The following PCDHGB3 variants were observed in gnomAD, a reference collection of about 807,000 sequenced individuals.
PCDHGB3 encodes protocadherin gamma subfamily B, 3.
Under a neutral mutation model 59.2 loss-of-function variants are expected in PCDHGB3, and 40 were observed. The observed-to-expected ratio is 0.68, with a 90% CI of 0.52 to 0.88. The LOEUF (loss-of-function observed/expected upper bound fraction) is 0.88, where lower values mean the gene tolerates loss of function less well. PCDHGB3 is among the 40% of genes least tolerant of loss of function. PCDHGB3 has a pLI of 0.00. For synonymous variants in PCDHGB3, 581 were observed against 503.6 expected (o/e 1.15, Z -2.06); for missense variants, 1,309 against 1,187.9 (o/e 1.10, Z -1.50).
In PCDHGB3 at chr5:141,371,932, TG is replaced by T. The variant is rs1268806943; in HGVS notation, c.1540del (p.Val514CysfsTer33). The T allele has an allele frequency of 6.2e-7, 1 of 1,612,998 alleles. No individual in the cohort carries two copies. Among genetic ancestry groups the T allele is most frequent in the South Asian group, 1.1e-5 (1 of 91,058 alleles). ...GTGTCCGTGAGCGCGCGGAGCGGGGTGGTGTTCGCGCAGCGAGCCTTCGACC... is the reference window on the plus strand; with the variant it reads ...GTGTCCGTGAGCGCGCGGAGCGGGGTGTGTTCGCGCAGCGAGCCTTCGACC... Reference protein sequence around the residue: ...SYVSVSARSGVVFAQRAFDHE... With the variant: ...SYVSVSARSGXVFAQRAFDHE... On this transcript the variant is annotated frameshift_variant, in exon 1 of 4. Coordinates refer to ENST00000576222, the MANE Select transcript of PCDHGB3 (RefSeq NM_018924.5). LOFTEE classifies it high-confidence loss of function.
chr5:141,382,838 A>G, intron 1 of PCDHGB3: 2 of 1,445,878 alleles, frequency 1.4e-6, no homozygotes, highest in Non-Finnish European at 1.9e-6. Context: ...GTCCACCCGG[A>G]TACACCCGCA....
chr5:141,441,627 G>C (rs1239011684), intron 1 of PCDHGB3: 1 of 223,512 alleles, frequency 4.5e-6, no homozygotes, highest in Non-Finnish European at 9.0e-6. Context: ...CAGTGACCTG[G>C]AGCCACAGGC....
chr5:141,432,178 T>C lies in PCDHGB3; in HGVS notation c.2415+59369T>C. Reference sequence around the variant, plus strand: ...ATCCCAGAGGAGTTTCCCTCGTCTCTGTGACCGCCCACGACCCCGACTGTG... The same window carrying C: ...ATCCCAGAGGAGTTTCCCTCGTCTCCGTGACCGCCCACGACCCCGACTGTG... On this transcript the variant is annotated intron_variant, in intron 1 of 3. Transcript: ENST00000576222. The surrounding 1 kb of genome is among the most constrained non-coding windows in gnomAD (Gnocchi z 6.0). 6.2e-7 allele frequency: 1 copy of C among 1,614,184 alleles called. No individual in the cohort carries two copies. The highest frequency in any genetic ancestry group is 8.5e-7 in the Non-Finnish European group (1 of 1,180,036).
At chr5:141,395,727 T>G (rs895493332) in intron 1 of PCDHGB3, 1 of 153,998 alleles carries the variant, frequency 6.5e-6, no homozygotes, top group Non-Finnish European at 1.4e-5. Flanking sequence ...TGTAGATTTC[T>G]TCACTTTAAA....
chr5:141,501,706 T>TA (rs2099810629), intron 2 of PCDHGB3, among the ~76,000 whole-genome samples: 1 of 152,094 alleles, frequency 6.6e-6, no homozygotes, highest in South Asian at 2.1e-4. Flanking sequence ...ATTCCGAGGA[T>TA]AAAAAAGACA....
intron 1 of PCDHGB3, chr5:141,407,918 C>T (rs890872713): frequency 1.1e-5 from 5 of 472,514 alleles, no homozygotes. Context: ...GGGCTGCTGT[C>T]CCGCACGGAG....
At position 141,413,154 on chromosome 5, in the gene PCDHGB3, A is replaced by C. The variant is rs1308503780; in HGVS notation, c.2415+40345A>C. 10 of 1,576,026 alleles carry C rather than the reference A, an allele frequency of 6.3e-6. No homozygotes were observed. In the South Asian group the frequency reaches 1.2e-4, roughly 18 times the overall value. ...ACAACGTGTCCAGTGAGGACTTTGC[A>C]GAATTCTGTAACCAGACTACAATGG... On this transcript the variant is annotated intron_variant, in intron 1 of 3. Coordinates refer to ENST00000576222, the MANE Select transcript of PCDHGB3 (RefSeq NM_018924.5).
intron 1 of PCDHGB3, chr5:141,415,006 C>A (rs1353721901): frequency 6.2e-7 from 1 of 1,613,652 alleles, no homozygotes; most frequent in Non-Finnish European, 8.5e-7. Context: ...GCTGTCCTAC[C>A]GTCTGCTCAA....
chr5:141,476,417 C>A lies in PCDHGB3; in HGVS notation c.2416-18390C>A. ...GGATCGAGAGGAGCTGTGTGGGACA[C>A]TGCCCTCTTGCACTGTAACTCTGGA... is the stretch of plus-strand genomic sequence containing the variant. On this transcript the variant is annotated intron_variant, in intron 1 of 3. Coordinates refer to ENST00000576222, the MANE Select transcript of PCDHGB3 (RefSeq NM_018924.5). This position sits in a 1 kb window ranked among gnomAD's most constrained non-coding sequence, Gnocchi z 7.6. The A allele has an allele frequency of 6.2e-7, 1 of 1,614,112 alleles. No homozygotes were observed. The highest frequency in any genetic ancestry group is 8.5e-7 in the Non-Finnish European group (1 of 1,179,994).
intron 1 of PCDHGB3, chr5:141,423,659 A>C (rs369390148): frequency 6.4e-7 from 1 of 1,551,038 alleles, no homozygotes; most frequent in African/African-American, 1.4e-5. Flanking sequence ...ACAAGTAATC[A>C]GGTGAGATTT....
intron 1 of PCDHGB3, chr5:141,430,974 C>G: frequency 6.2e-7 from 1 of 1,613,072 alleles, no homozygotes; most frequent in East Asian, 2.2e-5. Flanking sequence ...AGAGGTAGGA[C>G]GCAGCTTTTC....
At chr5:141,468,428 T>C (rs936671539) in intron 1 of PCDHGB3, 11 of 151,374 alleles carry the variant, frequency 7.3e-5, no homozygotes, top group Non-Finnish European at 1.3e-4. Context: ...AGCAAGGTAA[T>C]AGCAAAATGT....
chr5:141,386,521 A>AG (rs1458324675), intron 1 of PCDHGB3, among the ~76,000 whole-genome samples: 1 of 232 alleles, frequency 4.3e-3, no homozygotes, highest in Non-Finnish European at 0.011. Context: ...TCAAAAAAAG[A>AG]CTCTTTTTAG....
rs769187557 is a variant in PCDHGB3, at chr5:141,433,087, A to C, written c.2415+60278A>C. 2.5e-6 allele frequency: 4 copies of C among 1,614,206 alleles called. No homozygotes were observed. In the Admixed American group the frequency reaches 6.7e-5, roughly 27 times the overall value. On this transcript the variant is annotated intron_variant, in intron 1 of 3. Transcript: ENST00000576222. The stretch of plus-strand genomic sequence containing the variant: ...TGATCTTCCCCCAGCCCAACTATGC[A>C]GACATGCTCGTCAGCCAGGAGAGCT...
chr5:141,485,687 C>T lies in PCDHGB3; in HGVS notation c.2416-9120C>T. 1 of 1,614,066 alleles carries T rather than the reference C, an allele frequency of 6.2e-7. No individual in the cohort carries two copies. Among genetic ancestry groups the T allele is most frequent in the Non-Finnish European group, 8.5e-7 (1 of 1,179,966 alleles). ...GAGCAATTCGATTAGCAGCTATAGG[C>T]TGAGCTCCAATGAACACTTTGCACT... On this transcript the variant is annotated intron_variant, in intron 1 of 3. Transcript: ENST00000576222. The surrounding 1 kb of genome is among the most constrained non-coding windows in gnomAD (Gnocchi z 5.7).
intron 1 of PCDHGB3, among the ~76,000 whole-genome samples, chr5:141,452,803 A>G (rs1045171800): frequency 2.6e-5 from 4 of 152,186 alleles, no homozygotes; most frequent in African/African-American, 9.7e-5. Context: ...TTTTTGCTGT[A>G]GTTTGTTCAT....
At chr5:141,447,370 C>A (rs2098536615) in intron 1 of PCDHGB3, among the ~76,000 whole-genome samples, 1 of 151,612 alleles carries the variant, frequency 6.6e-6, no homozygotes, top group African/African-American at 2.4e-5. Context: ...AACTCCTGAC[C>A]CTGGTGATCT....
At chr5:141,464,263 TAA>T (rs35224477) in intron 1 of PCDHGB3, among the ~76,000 whole-genome samples, 15 of 103,552 alleles carry the variant, frequency 1.4e-4, no homozygotes, top group Admixed American at 3.2e-4. Context: ...AGACTCCGTC[TAA>T]AAAAAAAAAA....
chr5:141,393,776 C>T (rs752900835), intron 1 of PCDHGB3: 10 of 1,613,596 alleles, frequency 6.2e-6, no homozygotes, highest in South Asian at 5.5e-5. Context: ...AAATACAAGC[C>T]GAAGATGTGG....
Sources: gnomAD v4.1 joint callset for allele counts (sites outside exome capture counted in the v4.1 genomes callset) on GRCh38, gnomAD v4.1.1 for gene constraint, Gnocchi (gnomAD v3.1) non-coding constraint, MANE v1.5 for transcripts, NCBI Gene and HGNC (gene_info 2026-07-23, HGNC 2026-07-21) for gene names.